Variants in SIGLEC6 observed in about 807,000 individuals in gnomAD.
The protein encoded by SIGLEC6 is sialic acid-binding Ig-like lectin 6.
SIGLEC6 carries 31 observed loss-of-function variants against 41.4 expected under a neutral mutation model. That is an observed-to-expected ratio of 0.75 (90% CI 0.56 to 1.01). SIGLEC6 has a LOEUF of 1.01. Ranked by LOEUF, SIGLEC6 falls within the 50% of genes least tolerant of loss-of-function variation. The pLI is 0.00. For synonymous variants in SIGLEC6, 217 were observed against 231.0 expected (o/e 0.94, Z 0.55); for missense variants, 555 against 558.6 (o/e 0.99, Z 0.06).
At position 51,520,391 on chromosome 19, in the gene SIGLEC6, T is replaced by C. The variant is rs555897977; in HGVS notation, c.1189-136A>G. The C allele has an allele frequency of 1.2e-3, 552 of 446,976 alleles. 3 individuals carry two copies. The highest frequency in any genetic ancestry group is 4.6e-3 in the Middle Eastern group (7 of 1,514). 27.7% of individuals were successfully genotyped at this position (446,976 alleles called of 1,614,324 possible). ...TTTATTATTTTATTTTATTTCATTT[T>C]ATTTTATTTTATTTTTGAGATGGGG... On this transcript the variant is annotated intron_variant, in intron 7 of 7. Transcript: ENST00000425629.
Position 51,527,802 on chromosome 19 carries a change from G to T in SIGLEC6, c.1133C>A (p.Ala378Asp), listed in dbSNP as rs1414880857. ...ATCATCCGTGTTTTGCACTGGCTGGGCTGCTTTCTTCCTTCTAGTCTTCAC... is the reference window on the plus strand; with the variant it reads ...ATCATCCGTGTTTTGCACTGGCTGGTCTGCTTTCTTCCTTCTAGTCTTCAC... ...FRVKTRRKKA[A>D]QPVQNTDDVN... The change falls in exon 7 of 8, where the codon GCC (alanine) becomes GAC (aspartate). Residue 378 changes from alanine (A) to aspartate (D), a missense_variant. Ala to Asp is a moderately radical substitution (Grantham distance 126). Coordinates refer to ENST00000425629, the MANE Select transcript of SIGLEC6 (RefSeq NM_001245.7). 17 of 1,613,944 alleles carry T rather than the reference G, an allele frequency of 1.1e-5. No homozygotes were observed. The highest frequency in any genetic ancestry group is 5.0e-5 in the Admixed American group (3 of 59,990).
chr19:51,531,305 G>T lies in SIGLEC6; in HGVS notation c.282C>A (p.His94Gln), dbSNP rs747735601. 3.1e-6 allele frequency: 5 copies of T among 1,614,218 alleles called. No homozygotes were observed. The South Asian group carries it at 5.5e-5, about 18-fold the overall frequency. Residue 94 changes from histidine to glutamine, a missense_variant, in exon 2 of 8, where the codon CAC (histidine) becomes CAA (glutamine). His to Gln is a conservative substitution (Grantham distance 24, BLOSUM62 0). Transcript: ENST00000425629. ...TCTTCCTTCTGGGATCCCAGAGGAG[G>T]TGGAATCGGCCCCGGGTCTCCTCCT... ...EVQEETRGRF[H>Q]LLWDPRRKNC... is the part of the protein sequence containing the mutation.
rs1290330051 is a variant in SIGLEC6 at position 51,518,471 on chromosome 19, C to T, written c.*1611G>A. On this transcript the variant is annotated 3_prime_UTR_variant, in exon 8 of 8. Coordinates refer to ENST00000425629, the MANE Select transcript of SIGLEC6 (RefSeq NM_001245.7). ...TCTCCTGCTTCAACCTGCAGAAGTA[C>T]CTGGGATTACAGGCAAGTGCCACCA... Among the ~76,000 whole-genome samples, 1 of 152,088 alleles carries T rather than the reference C, an allele frequency of 6.6e-6. No homozygotes were observed. The highest frequency in any genetic ancestry group is 1.5e-5 in the Non-Finnish European group (1 of 68,026).
At chr19:51,524,400 T>C (rs1039439663) in intron 7 of SIGLEC6, among the ~76,000 whole-genome samples, 7 of 152,198 alleles carry the variant, frequency 4.6e-5, no homozygotes, top group African/African-American at 1.7e-4. Context: ...CATTTCATAA[T>C]GATAAACAAG....
Position 51,531,608 on chromosome 19 carries a change from G to A in SIGLEC6, c.41C>T (p.Pro14Leu), listed in dbSNP as rs1158191358. ...AQEASASEML[P>L]LLLPLLWAGA... ...TGCCCACAGCAGGGGCAGCAGCAGC[G>A]GTAGCATCTCTGAGGCGGAGGCTTC... The change falls in exon 1 of 8, where the codon CCG becomes CTG. Residue 14 changes from proline to leucine, a missense_variant. Transcript: ENST00000425629. 6.2e-7 allele frequency: 1 copy of A among 1,613,048 alleles called. No homozygotes were observed. The highest frequency in any genetic ancestry group is 8.5e-7 in the Non-Finnish European group (1 of 1,179,572).
rs1990691181 is a variant in SIGLEC6 at position 51,518,723 on chromosome 19, T to C, written c.*1359A>G. Among the ~76,000 whole-genome samples the C allele has an allele frequency of 6.6e-6, 1 of 152,228 alleles. No homozygotes were observed. The highest frequency in any genetic ancestry group is 2.4e-5 in the African/African-American group (1 of 41,456). On this transcript the variant is annotated 3_prime_UTR_variant, in exon 8 of 8. Transcript: ENST00000425629. ...AATAGTTGGTCTTCATTAAATGCTT[T>C]CTTCAATTTCACTGGAATAGTGGAG...
chr19:51,522,282 G>A lies in SIGLEC6; in HGVS notation c.1189-2027C>T, dbSNP rs944666845. On this transcript the variant is annotated intron_variant, in intron 7 of 7. Transcript: ENST00000425629. ...ATCCACTAATAAATTAACTGCATTC[G>A]AGAACAAAGCTCAACAATTTTTAAA... Among the ~76,000 whole-genome samples the A allele has an allele frequency of 7.2e-5, 11 of 152,322 alleles. No individual in the cohort carries two copies. The East Asian group carries it at 7.7e-4, about 11-fold the overall frequency.
At chr19:51,528,454 GC>G (rs1392760136) in intron 5 of SIGLEC6, 1 of 587,384 alleles carries the variant, frequency 1.7e-6, no homozygotes, top group Non-Finnish European at 3.0e-6. Flanking sequence ...AGGACGTTGT[GC>G]CCCCAGCCAC....
intron 7 of SIGLEC6, among the ~76,000 whole-genome samples, chr19:51,522,152 G>T (rs1225090245): frequency 4.6e-5 from 7 of 152,224 alleles, no homozygotes; most frequent in African/African-American, 1.4e-4. Flanking sequence ...TGAAAGCCTG[G>T]GTACGTGCTG....
chr19:51,531,443 G>A lies in SIGLEC6; in HGVS notation c.144C>T (p.Leu48=), dbSNP rs1407439202. 6 of 1,614,110 alleles carry A rather than the reference G, an allele frequency of 3.7e-6. No individual in the cohort carries two copies. The highest frequency in any genetic ancestry group is 1.7e-5 in the Admixed American group (1 of 60,022). The change falls in exon 2 of 8, where the codon CTC becomes CTT. Residue 48 remains leucine, a synonymous_variant. Transcript: ENST00000425629. ...SLTVQEGLCV[L]VPCRLPTTLP... is the part of the protein sequence containing the mutation. Reference sequence around the variant, plus strand: ...GGGTAGTGGGCAATCTGCAGGGTACGAGGACGCACAGACCCTCCTGCACCG... The same window carrying A: ...GGGTAGTGGGCAATCTGCAGGGTACAAGGACGCACAGACCCTCCTGCACCG...
chr19:51,530,022 G>T lies in SIGLEC6; in HGVS notation c.755-41C>A, dbSNP rs200805236. 151 of 1,536,414 alleles carry T rather than the reference G, an allele frequency of 9.8e-5. No individual in the cohort carries two copies. In the East Asian group the frequency reaches 2.7e-3, roughly 28 times the overall value. On this transcript the variant is annotated intron_variant, in intron 4 of 7. Transcript: ENST00000425629. Reference sequence around the variant, plus strand: ...TGTAGAGAGTTAGAGATGGGGTATAGGGGCAAAGCACTGGTGTCCCTCTCC... The same window carrying T: ...TGTAGAGAGTTAGAGATGGGGTATATGGGCAAAGCACTGGTGTCCCTCTCC...
Position 51,531,384 on chromosome 19 carries a change from A to C in SIGLEC6, c.203T>G (p.Phe68Cys). 2.5e-6 allele frequency: 4 copies of C among 1,614,126 alleles called. No homozygotes were observed. Among genetic ancestry groups the C allele is most frequent in the Non-Finnish European group, 3.4e-6 (4 of 1,180,008 alleles). The change falls in exon 2 of 8, where the codon TTC becomes TGC. Residue 68 changes from phenylalanine to cysteine, a missense_variant. By Grantham distance (205) the Phe-to-Cys change is radical (BLOSUM62 -2). Coordinates refer to ENST00000425629, the MANE Select transcript of SIGLEC6 (RefSeq NM_001245.7). ...CACTGGAACATCAGCCCCTTCCAGG[A>C]ACCAGTAGCCATAACCATAGTACGA... ...PASYYGYGYW[F>C]LEGADVPVAT...
chr19:51,530,326 A>G (rs1229578996), intron 4 of SIGLEC6, 111 bp downstream of exon 4: 1 of 980,000 alleles, frequency 1.0e-6, no homozygotes, highest in African/African-American at 1.6e-5. Context: ...GATTCAGTCC[A>G]GGTCTTTGAA....
At position 51,518,886 on chromosome 19, in the gene SIGLEC6, T is replaced by C. The variant is rs1326900284; in HGVS notation, c.*1196A>G. Among the ~76,000 whole-genome samples, 1 of 152,060 alleles carries C rather than the reference T, an allele frequency of 6.6e-6. No individual in the cohort carries two copies. Among genetic ancestry groups the C allele is most frequent in the African/African-American group, 2.4e-5 (1 of 41,396 alleles). On this transcript the variant is annotated 3_prime_UTR_variant, in exon 8 of 8. Coordinates refer to ENST00000425629, the MANE Select transcript of SIGLEC6 (RefSeq NM_001245.7). ...AAAGATGATGGATGGAAACCTTATTTTGGGGAGTCGTGAAGAGTTCTGAAC... is the reference window on the plus strand; with the variant it reads ...AAAGATGATGGATGGAAACCTTATTCTGGGGAGTCGTGAAGAGTTCTGAAC...
intron 7 of SIGLEC6, among the ~76,000 whole-genome samples, chr19:51,522,350 T>C (rs932047810): frequency 2.6e-5 from 4 of 152,286 alleles, no homozygotes; most frequent in Admixed American, 6.5e-5. Context: ...TAACACGATG[T>C]CCAGTATGCC....
intron 7 of SIGLEC6, among the ~76,000 whole-genome samples, chr19:51,520,966 G>T (rs1990883836): frequency 6.6e-6 from 1 of 152,322 alleles, no homozygotes; most frequent in East Asian, 1.9e-4. Context: ...GTCCCAGATA[G>T]TAGGCAGTGT....
chr19:51,520,453 G>T (rs944532226), intron 7 of SIGLEC6, among the ~76,000 whole-genome samples, 198 bp from the exon 8 acceptor site: 4 of 152,128 alleles, frequency 2.6e-5, no homozygotes, highest in African/African-American at 9.7e-5. Flanking sequence ...GCAGCGGCAT[G>T]ATCACGGCTC....
chr19:51,529,729 A>T lies in SIGLEC6; in HGVS notation c.1007T>A (p.Val336Glu), dbSNP rs764392395. The change falls in exon 5 of 8, where the codon GTG becomes GAG. Residue 336 changes from valine (V) to glutamate (E), a missense_variant. Coordinates refer to ENST00000425629, the MANE Select transcript of SIGLEC6 (RefSeq NM_001245.7). ...GSLQISLSLF[V>E]HWKPEGRAGG... ...GCACCTCCCCCCACACTCACAATGCACAAAGAGACTCAGAGAGATTTGCAG... is the reference window on the plus strand; with the variant it reads ...GCACCTCCCCCCACACTCACAATGCTCAAAGAGACTCAGAGAGATTTGCAG... 1 of 1,614,122 alleles carries T rather than the reference A, an allele frequency of 6.2e-7. No homozygotes were observed. Among genetic ancestry groups the T allele is most frequent in the African/African-American group, 1.3e-5 (1 of 75,018 alleles).
In SIGLEC6 at chr19:51,529,995, G is replaced by A; in HGVS notation, c.755-14C>T. 1.3e-6 allele frequency: 2 copies of A among 1,566,946 alleles called. No homozygotes were observed. Among genetic ancestry groups the A allele is most frequent in the Non-Finnish European group, 1.7e-6 (2 of 1,156,294 alleles). On this transcript the variant is annotated splice_polypyrimidine_tract_variant and intron_variant, in intron 4 of 7. Transcript: ENST00000425629. ...GGATTTTGAAGGCTTTGGGGAGAGA[G>A]GTGTAGAGAGTTAGAGATGGGGTAT...
Sources: gnomAD v4.1 joint callset for allele counts (sites outside exome capture counted in the v4.1 genomes callset) on GRCh38, gnomAD v4.1.1 for gene constraint, MANE v1.5 for transcripts, NCBI Gene and HGNC (gene_info 2026-07-23, HGNC 2026-07-21) for gene names.